Variants in TUBGCP4 observed in about 807,000 individuals in gnomAD.
TUBGCP4 encodes the protein tubulin gamma complex component 4.
In TUBGCP4, 54 loss-of-function variants were observed where a neutral mutation model predicts 91.6. The observed-to-expected ratio is 0.59, with a 90% CI of 0.47 to 0.74. The LOEUF (loss-of-function observed/expected upper bound fraction) is 0.74. Ranked by LOEUF, TUBGCP4 falls within the 30% of genes least tolerant of loss-of-function variation. The pLI is 0.00. For missense variants in TUBGCP4, 593 were observed against 800.9 expected (o/e 0.74, Z 3.13); for synonymous variants, 297 against 302.8 (o/e 0.98, Z 0.20).
intron 15 of TUBGCP4, chr15:43,403,380 C>G (rs889198113): frequency 1.3e-5 from 3 of 223,694 alleles, no homozygotes; most frequent in Non-Finnish European, 1.8e-5. Flanking sequence ...ACAACACTCA[C>G]AGCTCAGAGG....
intron 5 of TUBGCP4, 107 bp from the exon 6 acceptor site, chr15:43,379,977 C>T: frequency 9.6e-7 from 1 of 1,042,676 alleles, no homozygotes; most frequent in Non-Finnish European, 1.5e-6. Flanking sequence ...AAAGTTTATC[C>T]CCAGTCTCTC....
rs778494096 is a variant in TUBGCP4, at chr15:43,403,661, G to A, written c.1732-22G>A. On this transcript the variant is annotated intron_variant, in intron 15 of 17. Transcript: ENST00000564079. ...GATGTACCTTCCTTCCTTTCCTAAT[G>A]CCAACTCTGTTTCCCGGGTAGGTGT... 12 of 1,562,550 alleles carry A rather than the reference G, an allele frequency of 7.7e-6. No individual in the cohort carries two copies. The South Asian group carries it at 1.3e-4, about 17-fold the overall frequency.
At chr15:43,400,345 G>C (rs764724114) in intron 14 of TUBGCP4, 124 bp downstream of exon 14, 8 of 637,116 alleles carry the variant, frequency 1.3e-5, no homozygotes, top group Admixed American at 2.9e-5. Context: ...GAAAATTCAG[G>C]AGTTATATCA....
At chr15:43,378,961 A>G (rs2044246453) in intron 5 of TUBGCP4, among the ~76,000 whole-genome samples, 1 of 152,230 alleles carries the variant, frequency 6.6e-6, no homozygotes, top group African/African-American at 2.4e-5. Context: ...ATTCTAGGCA[A>G]ATAGAGTTAA....
Position 43,406,371 on chromosome 15 carries a change from TC to T in TUBGCP4, c.*1160del. The stretch of plus-strand genomic sequence containing the variant: ...ACACTGGGAAGCTCTGACAACTTAT[TC>T]CCTGCTATTATCAACTAAAGATCAC... On this transcript the variant is annotated 3_prime_UTR_variant, in exon 18 of 18. Transcript: ENST00000564079. The T allele has an allele frequency of 3.1e-6, 1 of 317,550 alleles. No individual in the cohort carries two copies. Among genetic ancestry groups the T allele is most frequent in the Non-Finnish European group, 6.2e-6 (1 of 160,490 alleles). 19.7% of individuals were successfully genotyped at this position (317,550 alleles called of 1,614,324 possible).
Position 43,383,294 on chromosome 15 carries a change from T to C in TUBGCP4, c.522-9T>C. The C allele has an allele frequency of 6.2e-7, 1 of 1,609,856 alleles. No individual in the cohort carries two copies. On this transcript the variant is annotated splice_polypyrimidine_tract_variant and intron_variant, in intron 6 of 17. Transcript: ENST00000564079. ...GACTTCTGAGCCTCTTACTTTCTACTCTGCCCAGAATCCTGGCCGTTTGTC... is the reference window on the plus strand; with the variant it reads ...GACTTCTGAGCCTCTTACTTTCTACCCTGCCCAGAATCCTGGCCGTTTGTC...
chr15:43,377,929 C>G (rs200791432), intron 5 of TUBGCP4, 26 bp downstream of exon 5: 2 of 1,554,654 alleles, frequency 1.3e-6, no homozygotes, highest in Non-Finnish European at 1.8e-6. Flanking sequence ...ATTCCTTTTG[C>G]TTTGCTAAGC....
chr15:43,388,356 A>T (rs2044415265), intron 9 of TUBGCP4, among the ~76,000 whole-genome samples: 1 of 152,218 alleles, frequency 6.6e-6, no homozygotes, highest in Non-Finnish European at 1.5e-5. Context: ...CCTGGTCATC[A>T]GAGGTAGAGC....
At chr15:43,376,346 A>G (rs2044204780) in intron 2 of TUBGCP4, 120 bp downstream of exon 2, 5 of 1,598,676 alleles carry the variant, frequency 3.1e-6, no homozygotes, top group Non-Finnish European at 3.4e-6. Flanking sequence ...TTCATGTGAA[A>G]TAAGTTATGG....
Position 43,372,151 on chromosome 15 carries a change from G to A in TUBGCP4, c.78+719G>A, listed in dbSNP as rs1278092947. On this transcript the variant is annotated intron_variant, in intron 1 of 17. Transcript: ENST00000564079. ...TCTGCTTCCAGTAATGTTATCTAAT[G>A]CTCTCAATAATTTAGTCCACTTAGG... 2.0e-5 allele frequency among the ~76,000 whole-genome samples: 3 copies of A among 152,190 alleles called. No individual in the cohort carries two copies. In the East Asian group the frequency reaches 5.8e-4, roughly 29 times the overall value.
At position 43,406,970 on chromosome 15, in the gene TUBGCP4, G is replaced by T. The variant is rs1595511440; in HGVS notation, c.*1756G>T. The T allele has an allele frequency of 1.8e-5, 4 of 226,408 alleles. No individual in the cohort carries two copies. In the East Asian group the frequency reaches 4.5e-4, roughly 25 times the overall value. 14.0% of individuals were successfully genotyped at this position (226,408 alleles called of 1,614,324 possible). ...TGTGCCCAATTCCACTCAACTTTTGGCACAACTGTTAATCTGGGCCTTCAC... is the reference window on the plus strand; with the variant it reads ...TGTGCCCAATTCCACTCAACTTTTGTCACAACTGTTAATCTGGGCCTTCAC... On this transcript the variant is annotated 3_prime_UTR_variant, in exon 18 of 18. Transcript: ENST00000564079.
Position 43,377,666 on chromosome 15 carries a change from C to T in TUBGCP4, c.385-181C>T, listed in dbSNP as rs80139556. On this transcript the variant is annotated intron_variant, in intron 4 of 17. Coordinates refer to ENST00000564079, the MANE Select transcript of TUBGCP4 (RefSeq NM_014444.5). ...AAAAGAAACTGCCTCTCTCTGCCAT[C>T]CTCTTCCTATCTGCAGCGAACCTCC... 6,520 of 546,334 alleles carry T rather than the reference C, an allele frequency of 0.012. 354 individuals carry two copies. Among genetic ancestry groups the T allele is most frequent in the African/African-American group, 0.12 (5,886 of 49,332 alleles). The allele number at this position is 546,334 out of a possible 1,614,324, so 33.8% of individuals were successfully genotyped here.
chr15:43,404,973 G>T, intron 17 of TUBGCP4: 1 of 546,838 alleles, frequency 1.8e-6, no homozygotes. Context: ...AGTGGTAGCT[G>T]GCTTCCCAGA....
chr15:43,374,840 G>C (rs1398182919), intron 1 of TUBGCP4, among the ~76,000 whole-genome samples: 1 of 152,220 alleles, frequency 6.6e-6, no homozygotes, highest in Non-Finnish European at 1.5e-5. Flanking sequence ...TAAAAAGGAA[G>C]GAAATTCTGG....
rs747697725 is a variant in TUBGCP4, at chr15:43,407,617, G to C, written c.*2403G>C. On this transcript the variant is annotated 3_prime_UTR_variant, in exon 18 of 18. Transcript: ENST00000564079. ...GAAGAAGGAAAGGACACTCAACTTA[G>C]CCCTCCATTAGAAAGAGAGATTTGA... The C allele has an allele frequency of 1.3e-6, 2 of 1,545,524 alleles. No homozygotes were observed. Among genetic ancestry groups the C allele is most frequent in the South Asian group, 1.2e-5 (1 of 84,964 alleles).
chr15:43,407,812 G>T lies in TUBGCP4; in HGVS notation c.*2598G>T. The T allele has an allele frequency of 2.1e-6, 2 of 966,172 alleles. No homozygotes were observed. Among genetic ancestry groups the T allele is most frequent in the Non-Finnish European group, 3.1e-6 (2 of 649,386 alleles). The allele number at this position is 966,172 out of a possible 1,614,324, so 59.8% of individuals were successfully genotyped here. ...TTATGTTGACTCACCTCTTGAAGGT[G>T]GTACTTTTCTTCTCTAAGAAACATG... On this transcript the variant is annotated 3_prime_UTR_variant, in exon 18 of 18. Coordinates refer to ENST00000564079, the MANE Select transcript of TUBGCP4 (RefSeq NM_014444.5).
In TUBGCP4 at chr15:43,393,834, A is replaced by T. The variant is rs367970089; in HGVS notation, c.1015-1273A>T. 1.2e-4 allele frequency among the ~76,000 whole-genome samples: 18 copies of T among 152,138 alleles called. No homozygotes were observed. In the East Asian group the frequency reaches 2.3e-3, roughly 20 times the overall value. On this transcript the variant is annotated intron_variant, in intron 9 of 17. Transcript: ENST00000564079. Reference sequence around the variant, plus strand: ...GTGTATATGTGCCACATTTACGATTAACAAAATGTGGTTTCGATCTCTTGA... The same window carrying T: ...GTGTATATGTGCCACATTTACGATTTACAAAATGTGGTTTCGATCTCTTGA...
Position 43,405,282 on chromosome 15 carries a change from C to T in TUBGCP4, c.*68C>T. On this transcript the variant is annotated 3_prime_UTR_variant, in exon 18 of 18. Transcript: ENST00000564079. The stretch of plus-strand genomic sequence containing the variant: ...GGTTGTAACAGAAGATTCAAAACAT[C>T]CCATTCTAGCCACACACAAATAAAT... 6.5e-7 allele frequency: 1 copy of T among 1,538,976 alleles called. No homozygotes were observed. Among genetic ancestry groups the T allele is most frequent in the Non-Finnish European group, 9.0e-7 (1 of 1,112,608 alleles).
chr15:43,398,411 A>C, intron 13 of TUBGCP4: 1 of 373,606 alleles, frequency 2.7e-6, no homozygotes, highest in East Asian at 4.2e-5. Context: ...TAATGGGAGC[A>C]AGAGAGCCAC....
Sources: allele counts gnomAD v4.1 joint callset (sites outside exome capture counted in the v4.1 genomes callset), GRCh38; gene constraint gnomAD v4.1.1; transcripts MANE v1.5; gene names NCBI Gene and HGNC (gene_info 2026-07-23, HGNC 2026-07-21).